FHOD1: variants seen among roughly 807,000 people sequenced by gnomAD.
The protein encoded by FHOD1 is FH1/FH2 domain-containing protein 1.
Under a neutral mutation model 111.6 loss-of-function variants are expected in FHOD1, and 89 were observed. The observed-to-expected ratio is 0.80, with a 90% confidence interval of 0.67 to 0.95. The LOEUF (loss-of-function observed/expected upper bound fraction) is 0.95, where lower values mean the gene tolerates loss of function less well. FHOD1 is among the 40% of genes least tolerant of loss of function. The pLI is 0.00. For synonymous variants in FHOD1, 618 were observed against 639.0 expected (o/e 0.97, Z 0.50); for missense variants, 1,446 against 1,554.2 (o/e 0.93, Z 1.17).
Position 67,237,242 on chromosome 16 carries a change from G to A in FHOD1, c.990C>T (p.Tyr330=), listed in dbSNP as rs144258782. Residue 330 remains tyrosine (Y), a synonymous_variant, in exon 9 of 22, where the codon TAC becomes TAT. Coordinates refer to ENST00000258201, the MANE Select transcript of FHOD1 (RefSeq NM_013241.3). The surrounding 1 kb of genome is among the most constrained non-coding windows in gnomAD (Gnocchi z 5.6). ...DVDLRTQLVL[Y]ENALKLEDGD... is the part of the protein sequence containing the mutation. ...CAGAGCGTAAGGCCCGGCCCACCTC[G>A]TAGAGCACAAGCTGCGTGCGCAGGT... is the stretch of plus-strand genomic sequence containing the variant. 1.2e-6 allele frequency: 2 copies of A among 1,613,248 alleles called. No individual in the cohort carries two copies. Among genetic ancestry groups the A allele is most frequent in the Non-Finnish European group, 8.5e-7 (1 of 1,179,554 alleles).
In FHOD1 at chr16:67,237,576, C is replaced by A. The variant is rs1350471800; in HGVS notation, c.755-7G>T. 6.2e-7 allele frequency: 1 copy of A among 1,614,076 alleles called. No individual in the cohort carries two copies. The highest frequency in any genetic ancestry group is 1.7e-5 in the Admixed American group (1 of 60,014). ...TTGGCCCAGGGAGGAGCACCTGCCA[C>A]ACAGAAAGTGGAGCAGTCATGGGGG... On this transcript the variant is annotated splice_region_variant and splice_polypyrimidine_tract_variant and intron_variant, in intron 7 of 21. Coordinates refer to ENST00000258201, the MANE Select transcript of FHOD1 (RefSeq NM_013241.3). The surrounding 1 kb of genome is among the most constrained non-coding windows in gnomAD (Gnocchi z 5.6).
chr16:67,235,287 T>C (rs1044554639), intron 11 of FHOD1, among the ~76,000 whole-genome samples: 5 of 152,074 alleles, frequency 3.3e-5, no homozygotes, highest in Non-Finnish European at 7.4e-5. Context: ...CCCAGCACTT[T>C]GGGAGGCAGA....
chr16:67,241,037 G>C (rs1222748583), intron 1 of FHOD1, among the ~76,000 whole-genome samples: 1 of 150,616 alleles, frequency 6.6e-6, no homozygotes, highest in Non-Finnish European at 1.5e-5. Flanking sequence ...CCCTACCTCT[G>C]TTTAGCAACC....
chr16:67,232,222 A>T (rs1312967438), intron 13 of FHOD1, 28 bp from the exon 14 acceptor site: 1 of 1,612,370 alleles, frequency 6.2e-7, no homozygotes, highest in South Asian at 1.1e-5. Context: ...GGGCAGTGTA[A>T]GACTGAGGAA....
In FHOD1 at chr16:67,233,866, A is replaced by AATGGGGAAGAG; in HGVS notation, c.1826_1836dup (p.Ser613LeufsTer19). 6.7e-7 allele frequency: 1 copy of AATGGGGAAGAG among 1,494,696 alleles called. No homozygotes were observed. The allele number at this position is 1,494,696 out of a possible 1,614,324, so 92.6% of individuals were successfully genotyped here. A position where few individuals can be genotyped will look rare whatever the true frequency, so the allele number is the denominator to read the frequency against. On this transcript the variant is annotated frameshift_variant, in exon 13 of 22. Coordinates refer to ENST00000258201, the MANE Select transcript of FHOD1 (RefSeq NM_013241.3). LOFTEE classifies it high-confidence loss of function. The stretch of plus-strand genomic sequence containing the variant: ...GGGAGGGCTGAGCTGTCAGGCACTG[A>AATGGGGAAGAG]ATGGGGAAGAGGGGCAGCCAGAGGT...
Position 67,238,190 on chromosome 16 carries a change from G to C in FHOD1, c.547+12C>G. 1 of 1,613,810 alleles carries C rather than the reference G, an allele frequency of 6.2e-7. No homozygotes were observed. The highest frequency in any genetic ancestry group is 8.5e-7 in the Non-Finnish European group (1 of 1,179,678). ...GCTGGAGCAGAGGTCATGGGAGAGG[G>C]GCGGGGCTGACCTCTAAGGATGTAG... On this transcript the variant is annotated intron_variant, in intron 5 of 21. Transcript: ENST00000258201. This position sits in a 1 kb window ranked among gnomAD's most constrained non-coding sequence, Gnocchi z 4.2.
Position 67,237,947 on chromosome 16 carries a change from C to T in FHOD1, c.642+87G>A. 1 of 1,467,988 alleles carries T rather than the reference C, an allele frequency of 6.8e-7. No individual in the cohort carries two copies. Among genetic ancestry groups the T allele is most frequent in the Non-Finnish European group, 9.5e-7 (1 of 1,054,724 alleles). The allele number at this position is 1,467,988 out of a possible 1,614,324, so 90.9% of individuals were successfully genotyped here. The stretch of plus-strand genomic sequence containing the variant: ...CTTACAGAGGCCTCAGACTCACTCC[C>T]TTCCAGCTCACTTTGCAGAACAGGA... On this transcript the variant is annotated intron_variant, in intron 6 of 21. Transcript: ENST00000258201. This position sits in a 1 kb window ranked among gnomAD's most constrained non-coding sequence, Gnocchi z 5.6.
At chr16:67,236,309 T>G (rs773724274) in intron 11 of FHOD1, 78 of 1,234,708 alleles carry the variant, frequency 6.3e-5, no homozygotes, top group Non-Finnish European at 7.5e-5. Context: ...GCGGGAGACA[T>G]GACAAGAGGC....
chr16:67,234,656 T>C lies in FHOD1; in HGVS notation c.1320-184A>G, dbSNP rs568329571. The stretch of plus-strand genomic sequence containing the variant: ...GCCAGCCCCTCTTCAGTCCTCCACA[T>C]CTGGGGAGGATTACTACCAACCCAG... On this transcript the variant is annotated intron_variant, in intron 11 of 21. Coordinates refer to ENST00000258201, the MANE Select transcript of FHOD1 (RefSeq NM_013241.3). The C allele has an allele frequency of 3.1e-4, 173 of 554,510 alleles. 7 individuals carry two copies. The South Asian group carries it at 3.9e-3, about 13-fold the overall frequency. The allele number at this position is 554,510 out of a possible 1,614,324, so 34.3% of individuals were successfully genotyped here. A position where few individuals can be genotyped will look rare whatever the true frequency, so the allele number is the denominator to read the frequency against.
Position 67,231,066 on chromosome 16 carries a change from C to G in FHOD1, c.2667+122G>C. The G allele has an allele frequency of 7.8e-7, 1 of 1,286,766 alleles. No individual in the cohort carries two copies. Among genetic ancestry groups the G allele is most frequent in the Non-Finnish European group, 1.1e-6 (1 of 926,722 alleles). The allele number at this position is 1,286,766 out of a possible 1,614,324, so 79.7% of individuals were successfully genotyped here. On this transcript the variant is annotated intron_variant, in intron 17 of 21. Transcript: ENST00000258201. The surrounding 1 kb of genome is among the most constrained non-coding windows in gnomAD (Gnocchi z 4.3). ...TTCTGGCAGAGGGCATAGCTCACAC[C>G]CAGGTGGCTGGAGCAAGCCCTGGCA...
In FHOD1 at chr16:67,245,680, G is replaced by A. The variant is rs940087150; in HGVS notation, c.201+1530C>T. Among the ~76,000 whole-genome samples, 16 of 152,048 alleles carry A rather than the reference G, an allele frequency of 1.1e-4. No homozygotes were observed. In the South Asian group the frequency reaches 1.5e-3, roughly 14 times the overall value. ...GAATTGCTAGAACCCGGGAGGTGGA[G>A]GTTGCAGTGAGCCAAGATAGCCCCA... On this transcript the variant is annotated intron_variant, in intron 1 of 21. Transcript: ENST00000258201.
At position 67,229,707 on chromosome 16, in the gene FHOD1, A is replaced by G. The variant is rs769282334; in HGVS notation, c.3424T>C (p.Leu1142=). Residue 1142 remains leucine (L), a synonymous_variant, in exon 22 of 22, where the codon TTG becomes CTG. Transcript: ENST00000258201. ...AGGTCATCTCCGAGCCCACTCTTCA[A>G]CGTCCTTCTCACTGCAGGGACAGAG... ...RGNRKSLRRT[L]KSGLGDDLVQ... 1 of 1,613,976 alleles carries G rather than the reference A, an allele frequency of 6.2e-7. No individual in the cohort carries two copies. Among genetic ancestry groups the G allele is most frequent in the East Asian group, 2.2e-5 (1 of 44,882 alleles).
chr16:67,240,221 G>C (rs951557842), intron 1 of FHOD1, among the ~76,000 whole-genome samples: 8 of 152,078 alleles, frequency 5.3e-5, no homozygotes, highest in African/African-American at 1.9e-4. Flanking sequence ...GACACCCAAG[G>C]GGCCTATTAA....
chr16:67,244,606 T>TCGGCC (rs2034758687), intron 1 of FHOD1, among the ~76,000 whole-genome samples: 1 of 152,064 alleles, frequency 6.6e-6, no homozygotes, highest in Non-Finnish European at 1.5e-5. Flanking sequence ...GGGGCTAGGC[T>TCGGCC]CGGCCCAATG....
intron 1 of FHOD1, among the ~76,000 whole-genome samples, chr16:67,240,333 C>T (rs974827292): frequency 6.6e-6 from 1 of 152,140 alleles, no homozygotes; most frequent in Non-Finnish European, 1.5e-5. Context: ...TCTAGACCAG[C>T]CTGGCCAACG....
rs752868190 is a variant in FHOD1, at chr16:67,247,424, G to A, written c.-14C>T. Reference sequence around the variant, plus strand: ...CCCGCCCGCCATGGCTCTGCGGCCGGCTCACGCAGCGCGCCTCCGAGTCCC... The same window carrying A: ...CCCGCCCGCCATGGCTCTGCGGCCGACTCACGCAGCGCGCCTCCGAGTCCC... On this transcript the variant is annotated 5_prime_UTR_variant, in exon 1 of 22. Coordinates refer to ENST00000258201, the MANE Select transcript of FHOD1 (RefSeq NM_013241.3). The A allele has an allele frequency of 1.9e-6, 3 of 1,610,950 alleles. No homozygotes were observed. In the South Asian group the frequency reaches 3.3e-5, roughly 18 times the overall value.
Position 67,247,290 on chromosome 16 carries a change from G to C in FHOD1, c.121C>G (p.Pro41Ala), listed in dbSNP as rs992063266. The C allele has an allele frequency of 1.9e-6, 3 of 1,613,020 alleles. No individual in the cohort carries two copies. Among genetic ancestry groups the C allele is most frequent in the Admixed American group, 1.7e-5 (1 of 59,984 alleles). The change falls in exon 1 of 22, where the codon CCC becomes GCC. Residue 41 changes from proline to alanine, a missense_variant. Coordinates refer to ENST00000258201, the MANE Select transcript of FHOD1 (RefSeq NM_013241.3). ...CANFPEPRRA[P>A]TCSLDGALPL... is the part of the protein sequence containing the mutation. Reference sequence around the variant, plus strand: ...AGCGCCCCGTCCAGGCTGCAGGTGGGGGCCCGGCGCGGCTCCGGAAAGTTG... The same window carrying C: ...AGCGCCCCGTCCAGGCTGCAGGTGGCGGCCCGGCGCGGCTCCGGAAAGTTG...
In FHOD1 at chr16:67,231,206, G is replaced by A. The variant is rs1300438185; in HGVS notation, c.2649C>T (p.Ala883=). ...ESSDLYSEIP[A]LTRCAKVDFE... ...TGCTAACCTTGGCACAGCGGGTCAG[G>A]GCAGGGATTTCTGAATAGAGGTCAG... The change falls in exon 17 of 22, where the codon GCC becomes GCT. Residue 883 remains alanine (A), a synonymous_variant. Transcript: ENST00000258201. This position sits in a 1 kb window ranked among gnomAD's most constrained non-coding sequence, Gnocchi z 4.3. 1 of 1,614,188 alleles carries A rather than the reference G, an allele frequency of 6.2e-7. No homozygotes were observed. The highest frequency in any genetic ancestry group is 8.5e-7 in the Non-Finnish European group (1 of 1,180,034).
rs1304071707 is a variant in FHOD1, at chr16:67,234,152, C to T, written c.1551G>A (p.Glu517=). 1 of 1,560,846 alleles carries T rather than the reference C, an allele frequency of 6.4e-7. No individual in the cohort carries two copies. Among genetic ancestry groups the T allele is most frequent in the African/African-American group, 1.4e-5 (1 of 73,622 alleles). ...AQRSLAPEPK[E]PLIPASPKAE... ...CCTTGGGGCTTGCTGGTATCAGTGG[C>T]TCCTTGGGCTCTGGTGCAAGGCTTC... The change falls in exon 13 of 22, where the codon GAG becomes GAA. Residue 517 remains glutamate (E), a synonymous_variant. Transcript: ENST00000258201.
Sources: allele counts gnomAD v4.1 joint callset (sites outside exome capture counted in the v4.1 genomes callset), GRCh38; gene constraint gnomAD v4.1.1; non-coding constraint Gnocchi (gnomAD v3.1); transcripts MANE v1.5; gene names NCBI Gene and HGNC (gene_info 2026-07-23, HGNC 2026-07-21).